FHOD3: variants seen among roughly 807,000 people sequenced by gnomAD.
FHOD3 encodes the protein formin homology 2 domain containing 3, also known as FH1/FH2 domain-containing protein 3.
In FHOD3, 90 loss-of-function variants were observed where a neutral mutation model predicts 173.0. The observed-to-expected ratio is 0.52, with a 90% CI of 0.44 to 0.62. The LOEUF is 0.62. FHOD3 is among the 20% of genes least tolerant of loss of function. The pLI is 0.00. For missense variants in FHOD3, 1,945 were observed against 2,034.7 expected (o/e 0.96, Z 0.85); for synonymous variants, 828 against 823.0 (o/e 1.01, Z -0.10).
At chr18:36,509,936 A>T (rs980063810) in intron 4 of FHOD3, among the ~76,000 whole-genome samples, 1 of 152,216 alleles carries the variant, frequency 6.6e-6, no homozygotes, top group Non-Finnish European at 1.5e-5. Context: ...AAGACCACAC[A>T]CATGTGCGCA....
intron 5 of FHOD3, among the ~76,000 whole-genome samples, chr18:36,525,879 T>C (rs963064963): frequency 1.3e-5 from 2 of 152,214 alleles, no homozygotes; most frequent in Non-Finnish European, 2.9e-5. Context: ...GAGTGACTAA[T>C]GGAGAAGGCA....
chr18:36,492,098 G>T (rs1389139281), intron 3 of FHOD3, among the ~76,000 whole-genome samples: 1 of 152,294 alleles, frequency 6.6e-6, no homozygotes, highest in South Asian at 2.1e-4. Flanking sequence ...GAATCTGGAT[G>T]ATATCTGATC....
chr18:36,333,112 C>T (rs1409233670), intron 1 of FHOD3, among the ~76,000 whole-genome samples: 1 of 152,258 alleles, frequency 6.6e-6, no homozygotes, highest in Non-Finnish European at 1.5e-5. Context: ...CTGCACCCAC[C>T]AGCCTTGGTT....
At chr18:36,561,989 T>C (rs569391132) in intron 5 of FHOD3, among the ~76,000 whole-genome samples, 3 of 151,114 alleles carry the variant, frequency 2.0e-5, no homozygotes, top group Non-Finnish European at 4.4e-5. Flanking sequence ...TTGTATTGTA[T>C]TGTATTGTAT....
intron 11 of FHOD3, among the ~76,000 whole-genome samples, chr18:36,649,637 A>C (rs549592344): frequency 6.6e-6 from 1 of 152,134 alleles, no homozygotes; most frequent in Non-Finnish European, 1.5e-5. Context: ...ACCACACTTT[A>C]TGGAAAAAAT....
chr18:36,576,058 T>A (rs1203958345), intron 5 of FHOD3, among the ~76,000 whole-genome samples: 1 of 152,230 alleles, frequency 6.6e-6, no homozygotes, highest in Non-Finnish European at 1.5e-5. Context: ...GACAGGTTGC[T>A]TTTGGAAACT....
At chr18:36,564,357 C>T (rs895701680) in intron 5 of FHOD3, among the ~76,000 whole-genome samples, 3 of 152,310 alleles carry the variant, frequency 2.0e-5, no homozygotes, top group Middle Eastern at 6.8e-3. Flanking sequence ...ATCTGTTATA[C>T]TTTCCTTCAT....
intron 3 of FHOD3, among the ~76,000 whole-genome samples, chr18:36,460,129 C>T (rs2052463598): frequency 6.6e-6 from 1 of 152,302 alleles, no homozygotes; most frequent in African/African-American, 2.4e-5. Context: ...GTACTGTCAG[C>T]ATGACTTACG....
At chr18:36,761,082 C>G (rs2042856897) in intron 27 of FHOD3, among the ~76,000 whole-genome samples, 1 of 152,184 alleles carries the variant, frequency 6.6e-6, no homozygotes, top group Non-Finnish European at 1.5e-5. Flanking sequence ...CCAGCCTTCC[C>G]CCTGCTTTTA....
At chr18:36,700,466 A>C (rs954956924) in intron 17 of FHOD3, among the ~76,000 whole-genome samples, 1 of 152,262 alleles carries the variant, frequency 6.6e-6, no homozygotes, top group African/African-American at 2.4e-5. Context: ...CATTCATATA[A>C]TTTTTGATTC....
intron 21 of FHOD3, among the ~76,000 whole-genome samples, chr18:36,742,387 AAAG>A (rs1022422487): frequency 3.9e-5 from 6 of 152,162 alleles, no homozygotes; most frequent in South Asian, 2.1e-4. Flanking sequence ...GACAAAAAGC[AAAG>A]AAGAAGACTG....
chr18:36,653,021 GT>G (rs1008490908), intron 12 of FHOD3, 92 bp downstream of exon 12: 10 of 1,432,660 alleles, frequency 7.0e-6, no homozygotes, highest in Non-Finnish European at 9.1e-6. Context: ...CTTCTGCCAT[GT>G]TTTTTTGTGG....
At chr18:36,686,494 G>A (rs2038625877) in intron 15 of FHOD3, among the ~76,000 whole-genome samples, 1 of 151,258 alleles carries the variant, frequency 6.6e-6, no homozygotes, top group Non-Finnish European at 1.5e-5. Context: ...GTCAGTGGGG[G>A]GATTGGGGAG....
At chr18:36,594,209 G>T (rs535658039) in intron 6 of FHOD3, among the ~76,000 whole-genome samples, 1 of 152,218 alleles carries the variant, frequency 6.6e-6, no homozygotes, top group Non-Finnish European at 1.5e-5. Context: ...AAGGCCTCTG[G>T]GCTTCATGTG....
rs1411218398 is a variant in FHOD3, at chr18:36,742,920, GC to G, written c.3879+65del. 7 of 1,565,722 alleles carry G rather than the reference GC, an allele frequency of 4.5e-6. No homozygotes were observed. The African/African-American group carries it at 9.5e-5, about 21-fold the overall frequency. ...GTCACAAAATCCCTGCCCAGCAATT[GC>G]TGATGAAGGTTGTACCTCAGGTTCC... On this transcript the variant is annotated intron_variant, in intron 22 of 28. Transcript: ENST00000590592.
At chr18:36,453,849 G>A (rs2052009562) in intron 3 of FHOD3, among the ~76,000 whole-genome samples, 1 of 152,192 alleles carries the variant, frequency 6.6e-6, no homozygotes, top group Non-Finnish European at 1.5e-5. Flanking sequence ...GCTTTTGAGA[G>A]AAGAGATGGG....
chr18:36,688,404 T>G (rs552019), intron 16 of FHOD3, among the ~76,000 whole-genome samples: 75,947 of 152,060 alleles, frequency 0.5, 19,155 homozygotes, highest in East Asian at 0.68. Flanking sequence ...CTGCCTGTCT[T>G]CAATTTAAGA....
intron 1 of FHOD3, among the ~76,000 whole-genome samples, chr18:36,318,183 C>T (rs558609054): frequency 2.4e-4 from 37 of 152,214 alleles, no homozygotes; most frequent in Admixed American, 6.5e-4. Flanking sequence ...GTTCTTTTTG[C>T]TTAGGATTGT....
chr18:36,750,210 C>T (rs1171555573), intron 24 of FHOD3, among the ~76,000 whole-genome samples: 1 of 152,058 alleles, frequency 6.6e-6, no homozygotes, highest in Non-Finnish European at 1.5e-5. Flanking sequence ...AATGGCATGA[C>T]CTGGGAGGTG....
Sources: gnomAD v4.1 joint callset for allele counts (sites outside exome capture counted in the v4.1 genomes callset) on GRCh38, gnomAD v4.1.1 for gene constraint, MANE v1.5 for transcripts, NCBI Gene and HGNC (gene_info 2026-07-23, HGNC 2026-07-21) for gene names.